PCNT: variants seen among roughly 807,000 people sequenced by gnomAD.
The protein encoded by PCNT is pericentrin.
In PCNT, 319 loss-of-function variants were observed where a neutral mutation model predicts 380.4. The observed-to-expected ratio is 0.84, with a 90% CI of 0.77 to 0.92. PCNT has a LOEUF of 0.92. Ranked by LOEUF, PCNT falls within the 40% of genes least tolerant of loss-of-function variation. PCNT has a pLI of 0.00. For missense variants in PCNT, 4,400 were observed against 4,255.3 expected (o/e 1.03, Z -0.95); for synonymous variants, 1,845 against 1,735.2 (o/e 1.06, Z -1.57).
intron 2 of PCNT, among the ~76,000 whole-genome samples, chr21:46,331,409 G>C (rs892688687): frequency 1.3e-5 from 2 of 152,152 alleles, no homozygotes; most frequent in Non-Finnish European, 2.9e-5. Flanking sequence ...GAAAGACTTT[G>C]TGGTAAATAT....
At position 46,346,696 on chromosome 21, in the gene PCNT, C is replaced by G. The variant is rs765719795; in HGVS notation, c.721-47C>G. ...TGCTTCTGTGTCTCCCTGATGCGCC[C>G]TGGTTCTGACCATGGGCCCTTATCA... On this transcript the variant is annotated intron_variant, in intron 4 of 46. Transcript: ENST00000359568. 1.3e-5 allele frequency: 21 copies of G among 1,571,468 alleles called. No individual in the cohort carries two copies. In the South Asian group the frequency reaches 1.9e-4, roughly 14 times the overall value.
In PCNT at chr21:46,425,846, G is replaced by T; in HGVS notation, c.7195G>T (p.Val2399Leu). Residue 2399 changes from valine (V) to leucine (L), a missense_variant, in exon 33 of 47, where the codon GTG (valine) becomes TTG (leucine). Physicochemically the swap from Val to Leu is conservative, Grantham distance 32. Coordinates refer to ENST00000359568, the MANE Select transcript of PCNT (RefSeq NM_006031.6). This position sits in a 1 kb window ranked among gnomAD's most constrained non-coding sequence, Gnocchi z 4.2. Reference sequence around the variant, plus strand: ...CCCGCCACAGGCTTTACTGCAGATGGTGCGTGACGAGAGCCACCAGATCCT... The same window carrying T: ...CCCGCCACAGGCTTTACTGCAGATGTTGCGTGACGAGAGCCACCAGATCCT... Reference protein sequence around the residue: ...PKHVKALLQMVRDESHQILAL... With the variant: ...PKHVKALLQMLRDESHQILAL... 1 of 1,613,674 alleles carries T rather than the reference G, an allele frequency of 6.2e-7. No homozygotes were observed. Among genetic ancestry groups the T allele is most frequent in the Non-Finnish European group, 8.5e-7 (1 of 1,180,026 alleles).
chr21:46,436,130 C>T lies in PCNT; in HGVS notation c.8978C>T (p.Thr2993Ile). Residue 2993 changes from threonine to isoleucine, a missense_variant, in exon 39 of 47, where the codon ACC becomes ATC. Thr to Ile is a moderately conservative substitution (Grantham distance 89, BLOSUM62 -1). Coordinates refer to ENST00000359568, the MANE Select transcript of PCNT (RefSeq NM_006031.6). Reference protein sequence around the residue: ...LSAARLLTSFTSQAVDRTVND... With the variant: ...LSAARLLTSFISQAVDRTVND... ...GCCGCCCGGCTTCTCACCAGCTTCA[C>T]CAGCCAGGCCGTGGACAGGTGTGCA... The T allele has an allele frequency of 6.2e-7, 1 of 1,608,830 alleles. No homozygotes were observed. Among genetic ancestry groups the T allele is most frequent in the Non-Finnish European group, 8.5e-7 (1 of 1,179,838 alleles).
At chr21:46,360,758 T>C (rs2084686671) in intron 13 of PCNT, among the ~76,000 whole-genome samples, 1 of 151,922 alleles carries the variant, frequency 6.6e-6, no homozygotes, top group South Asian at 2.1e-4. Flanking sequence ...GACTTCCCGA[T>C]CCGCCCACCT....
intron 44 of PCNT, 149 bp downstream of exon 44, chr21:46,442,722 A>G: frequency 4.3e-6 from 3 of 694,804 alleles, no homozygotes; most frequent in South Asian, 3.0e-5. Flanking sequence ...GCAGTCGTCC[A>G]GAGGGAAGGC....
chr21:46,355,713 A>C lies in PCNT; in HGVS notation c.1936+87A>C, dbSNP rs886130067. Reference sequence around the variant, plus strand: ...GAGCCTGGGTGCCTGGGTTCGATCCAAGTCCTCCGTGAAGCAGCTGAGTGC... The same window carrying C: ...GAGCCTGGGTGCCTGGGTTCGATCCCAGTCCTCCGTGAAGCAGCTGAGTGC... On this transcript the variant is annotated intron_variant, in intron 12 of 46. Coordinates refer to ENST00000359568, the MANE Select transcript of PCNT (RefSeq NM_006031.6). 7 of 1,360,256 alleles carry C rather than the reference A, an allele frequency of 5.1e-6. No homozygotes were observed. The African/African-American group carries it at 1.0e-4, about 19-fold the overall frequency. The allele number at this position is 1,360,256 out of a possible 1,614,324, so 84.3% of individuals were successfully genotyped here.
intron 15 of PCNT, among the ~76,000 whole-genome samples, chr21:46,379,707 G>A (rs1047974381): frequency 5.3e-5 from 8 of 152,056 alleles, no homozygotes; most frequent in Admixed American, 2.6e-4. Context: ...CTGCCTGCTC[G>A]AGTCTGCTGC....
chr21:46,394,707 C>T (rs956843278), intron 21 of PCNT, among the ~76,000 whole-genome samples: 7 of 152,208 alleles, frequency 4.6e-5, no homozygotes, highest in African/African-American at 1.4e-4. Context: ...CCCATTTTAA[C>T]GCCCCAGCAA....
intron 15 of PCNT, among the ~76,000 whole-genome samples, chr21:46,376,543 C>T (rs939350209): frequency 1.2e-4 from 19 of 152,348 alleles, no homozygotes; most frequent in East Asian, 7.7e-4. Flanking sequence ...ACCATGGTGG[C>T]GCCTGGTCTT....
At chr21:46,329,389 G>T (rs2083485008) in intron 2 of PCNT, among the ~76,000 whole-genome samples, 1 of 152,204 alleles carries the variant, frequency 6.6e-6, no homozygotes, top group East Asian at 1.9e-4. Context: ...AACAGTGGTG[G>T]TCAGAAAGGA....
chr21:46,366,823 A>G lies in PCNT; in HGVS notation c.2849A>G (p.Gln950Arg). 2 of 1,613,968 alleles carry G rather than the reference A, an allele frequency of 1.2e-6. No homozygotes were observed. Among genetic ancestry groups the G allele is most frequent in the East Asian group, 4.5e-5 (2 of 44,886 alleles). ...ALLAARVAEL[Q>R]TKHAADLGAL... ...CTGGCTGCACGTGTGGCCGAACTGC[A>G]GACAAAACACGCTGCCGACCTCGGC... The change falls in exon 15 of 47, where the codon CAG (glutamine) becomes CGG (arginine). Residue 950 changes from glutamine to arginine, a missense_variant. Transcript: ENST00000359568.
chr21:46,430,381 C>A, intron 36 of PCNT, 126 bp from the exon 37 acceptor site: 1 of 1,425,680 alleles, frequency 7.0e-7, no homozygotes, highest in Non-Finnish European at 9.6e-7. Context: ...GTTGATAATC[C>A]TGTGGTGGGG....
intron 27 of PCNT, among the ~76,000 whole-genome samples, chr21:46,409,016 G>A (rs1032674056): frequency 1.3e-5 from 2 of 151,928 alleles, no homozygotes; most frequent in Non-Finnish European, 2.9e-5. Context: ...GAGCCACCGT[G>A]CCCCACCTCA....
At chr21:46,439,599 G>T (rs2053554176) in intron 41 of PCNT, among the ~76,000 whole-genome samples, 1 of 152,178 alleles carries the variant, frequency 6.6e-6, no homozygotes, top group African/African-American at 2.4e-5. Context: ...GGGTGTAGGG[G>T]CAAGAAAAGA....
At chr21:46,403,604 G>A (rs1324371088) in intron 27 of PCNT, among the ~76,000 whole-genome samples, 1 of 128,618 alleles carries the variant, frequency 7.8e-6, no homozygotes, top group African/African-American at 2.8e-5. Context: ...TGAACACAGC[G>A]TGGGAGAATC....
chr21:46,440,251 G>A, intron 42 of PCNT, 49 bp downstream of exon 42: 2 of 1,608,056 alleles, frequency 1.2e-6, no homozygotes, highest in Non-Finnish European at 8.5e-7. Context: ...TTTAAGTCCT[G>A]GGTTTGCAAA....
chr21:46,430,102 G>A lies in PCNT; in HGVS notation c.7783G>A (p.Val2595Met), dbSNP rs758110719. 1.4e-5 allele frequency: 22 copies of A among 1,614,124 alleles called. No individual in the cohort carries two copies. The highest frequency in any genetic ancestry group is 8.0e-5 in the African/African-American group (6 of 74,948). ...LSEEQEKANSVQKLLAAEQTV... is the reference protein window; with the variant it reads ...LSEEQEKANSMQKLLAAEQTV... The stretch of plus-strand genomic sequence containing the variant: ...TGAAGAGCAAGAGAAGGCAAACAGC[G>A]TGCAGAAGCTCCTGGCGGCGGAGCA... Residue 2595 changes from valine to methionine, a missense_variant, in exon 36 of 47, where the codon GTG becomes ATG. Physicochemically the swap from Val to Met is conservative, Grantham distance 21. Coordinates refer to ENST00000359568, the MANE Select transcript of PCNT (RefSeq NM_006031.6).
At chr21:46,337,352 GAA>G (rs2083779532) in intron 3 of PCNT, among the ~76,000 whole-genome samples, 1 of 152,178 alleles carries the variant, frequency 6.6e-6, no homozygotes, top group African/African-American at 2.4e-5. Flanking sequence ...CATCATATAA[GAA>G]ACAAATTTAC....
Position 46,388,449 on chromosome 21 carries a change from CGGGACGG to C in PCNT, c.3465-291_3465-285del. Reference sequence around the variant, plus strand: ...GCTGTGCGGCCACATCGCACACCTGCGGGACGGGTTTGCCGTGTTCCTAATGTGATGC... The same window carrying C: ...GCTGTGCGGCCACATCGCACACCTGCGTTTGCCGTGTTCCTAATGTGATGC... On this transcript the variant is annotated intron_variant, in intron 17 of 46. Transcript: ENST00000359568. This position sits in a 1 kb window ranked among gnomAD's most constrained non-coding sequence, Gnocchi z 4.2. Among the ~76,000 whole-genome samples, 1 of 152,314 alleles carries C rather than the reference CGGGACGG, an allele frequency of 6.6e-6. No individual in the cohort carries two copies. The highest frequency in any genetic ancestry group is 2.4e-5 in the African/African-American group (1 of 41,566).
Sources: gnomAD v4.1 joint callset for allele counts (sites outside exome capture counted in the v4.1 genomes callset) on GRCh38, gnomAD v4.1.1 for gene constraint, Gnocchi (gnomAD v3.1) non-coding constraint, MANE v1.5 for transcripts, NCBI Gene and HGNC (gene_info 2026-07-23, HGNC 2026-07-21) for gene names.